SH3D19: variants seen among roughly 807,000 people sequenced by gnomAD.
SH3D19 encodes the protein SH3 domain containing 19, also known as SH3 domain-containing protein 19.
A neutral mutation model predicts 112.1 loss-of-function variants in SH3D19; 58 were observed. That is an observed-to-expected ratio of 0.52 (90% CI 0.42 to 0.64). SH3D19 has a LOEUF of 0.64. Ranked by LOEUF, SH3D19 falls within the 30% of genes least tolerant of loss-of-function variation. The probability of loss-of-function intolerance (pLI) is 0.00; values close to 1 mark genes in which losing one functional copy is unlikely to be tolerated. For missense variants in SH3D19, 1,090 were observed against 1,263.4 expected, an observed-to-expected ratio of 0.86 and a Z score of 2.08; for synonymous variants, 391 against 448.5, an observed-to-expected ratio of 0.87 and a Z score of 1.62.
intron 1 of SH3D19, among the ~76,000 whole-genome samples, chr4:151,239,001 T>C (rs1369540067): frequency 1.3e-5 from 2 of 152,214 alleles, no homozygotes; most frequent in East Asian, 3.8e-4. Context: ...CTGTGTAGAA[T>C]GCTTCTAAAG....
At position 151,200,770 on chromosome 4, in the gene SH3D19, C is replaced by T. The variant is rs143616161; in HGVS notation, c.153-13307G>A. ...AACATTCTTCCAGTTTGAAAACTAT[C>T]ATCTGAATCAGCAAAGAGGTTGCTC... On this transcript the variant is annotated intron_variant, in intron 2 of 19. Coordinates refer to ENST00000604030, the MANE Select transcript of SH3D19 (RefSeq NM_001378122.1). 3.1e-3 allele frequency among the ~76,000 whole-genome samples: 468 copies of T among 152,334 alleles called. 3 individuals carry two copies. Among genetic ancestry groups the T allele is most frequent in the Middle Eastern group, 0.017 (5 of 294 alleles).
At chr4:151,147,814 G>T in intron 11 of SH3D19, 108 bp downstream of exon 11, 1 of 1,405,352 alleles carries the variant, frequency 7.1e-7, no homozygotes, top group Non-Finnish European at 9.6e-7. Flanking sequence ...TTGGCGTCAA[G>T]GGACAATTCC....
chr4:151,181,338 G>A (rs187548642), intron 3 of SH3D19, among the ~76,000 whole-genome samples: 69 of 152,268 alleles, frequency 4.5e-4, no homozygotes, highest in Middle Eastern at 3.4e-3. Context: ...GGGTGGAAGT[G>A]GAAGGTGGGA....
intron 17 of SH3D19, 33 bp downstream of exon 17, chr4:151,132,298 C>T: frequency 6.3e-7 from 1 of 1,591,886 alleles, no homozygotes; most frequent in East Asian, 2.2e-5. Flanking sequence ...CTGAACCTGG[C>T]TGTCACTATA....
In SH3D19 at chr4:151,287,127, TG is replaced by T. The variant is rs371048452; in HGVS notation, c.112+38113del. Among the ~76,000 whole-genome samples, 12 of 151,272 alleles carry T rather than the reference TG, an allele frequency of 7.9e-5. 1 individual carries two copies. The highest frequency in any genetic ancestry group is 2.9e-4 in the African/African-American group (12 of 41,234). ...AGGCCGAGGCAGGCAGATCACCTGATGTCAGGAGTTTGGGACCAGCCTGGCC... is the reference window on the plus strand; with the variant it reads ...AGGCCGAGGCAGGCAGATCACCTGATTCAGGAGTTTGGGACCAGCCTGGCC... On this transcript the variant is annotated intron_variant, in intron 1 of 19. Coordinates refer to ENST00000604030, the MANE Select transcript of SH3D19 (RefSeq NM_001378122.1).
intron 1 of SH3D19, among the ~76,000 whole-genome samples, chr4:151,290,720 G>C (rs1266566696): frequency 2.6e-5 from 4 of 152,124 alleles, no homozygotes; most frequent in Non-Finnish European, 5.9e-5. Context: ...AACAAGACTA[G>C]AAGACTACTA....
intron 1 of SH3D19, among the ~76,000 whole-genome samples, chr4:151,236,856 A>G (rs764184080): frequency 5.9e-5 from 9 of 152,240 alleles, no homozygotes; most frequent in Admixed American, 2.0e-4. Context: ...AAAATGGACC[A>G]ATCAGCTGTC....
At chr4:151,198,447 A>T (rs981992026) in intron 2 of SH3D19, among the ~76,000 whole-genome samples, 7 of 144,656 alleles carry the variant, frequency 4.8e-5, no homozygotes, top group East Asian at 1.9e-4. Context: ...ATATATATAA[A>T]AATATATATT....
chr4:151,177,255 TC>T (rs1760093022), intron 4 of SH3D19, among the ~76,000 whole-genome samples: 1 of 152,180 alleles, frequency 6.6e-6, no homozygotes, highest in South Asian at 2.1e-4. Flanking sequence ...CTATACAATC[TC>T]TTCATTCCAG....
intron 1 of SH3D19, among the ~76,000 whole-genome samples, chr4:151,302,225 G>A (rs746738889): frequency 5.9e-5 from 9 of 152,210 alleles, no homozygotes; most frequent in African/African-American, 1.7e-4. Flanking sequence ...TTGCTCCTTC[G>A]GCCAGGATCC....
chr4:151,169,722 T>A (rs1330333347), intron 7 of SH3D19, among the ~76,000 whole-genome samples: 1 of 152,186 alleles, frequency 6.6e-6, no homozygotes, highest in Admixed American at 6.5e-5. Context: ...CTAGTTAAAA[T>A]GTTTAAAGAT....
chr4:151,250,736 T>C (rs1645723120), intron 1 of SH3D19, among the ~76,000 whole-genome samples: 1 of 152,238 alleles, frequency 6.6e-6, no homozygotes, highest in Non-Finnish European at 1.5e-5. Flanking sequence ...CTATTAATTC[T>C]CAGATTTCTT....
chr4:151,161,307 C>T (rs1757105423), intron 8 of SH3D19, among the ~76,000 whole-genome samples: 1 of 152,104 alleles, frequency 6.6e-6, no homozygotes, highest in Non-Finnish European at 1.5e-5. Context: ...ACATTTGCAC[C>T]ACGAAGCTAT....
At chr4:151,230,235 G>A (rs1230167227) in intron 1 of SH3D19, among the ~76,000 whole-genome samples, 1 of 152,110 alleles carries the variant, frequency 6.6e-6, no homozygotes, top group Non-Finnish European at 1.5e-5. Context: ...ACAGTTTTTG[G>A]GTACGGCTAC....
chr4:151,273,163 T>C (rs372169203), intron 1 of SH3D19, among the ~76,000 whole-genome samples: 1 of 152,284 alleles, frequency 6.6e-6, no homozygotes, highest in East Asian at 1.9e-4. Flanking sequence ...TATTTCCAAC[T>C]AAATTTAACA....
At chr4:151,291,567 A>G in intron 1 of SH3D19, 1 of 663,162 alleles carries the variant, frequency 1.5e-6, no homozygotes, top group East Asian at 2.7e-5. Flanking sequence ...AGAGTTAAGA[A>G]ATAAAACTGT....
chr4:151,267,263 A>G lies in SH3D19; in HGVS notation c.113-41177T>C, dbSNP rs139205063. 5.3e-5 allele frequency among the ~76,000 whole-genome samples: 8 copies of G among 151,716 alleles called. No individual in the cohort carries two copies. The East Asian group carries it at 1.4e-3, about 26-fold the overall frequency. On this transcript the variant is annotated intron_variant, in intron 1 of 19. Transcript: ENST00000604030. ...GGTGGGAGGATTGATTAAGCCTGGG[A>G]GGTCAAGGCTACAGTGAGCTGTGAT...
At chr4:151,283,387 G>A in intron 1 of SH3D19, 2 of 1,037,002 alleles carry the variant, frequency 1.9e-6, no homozygotes, top group East Asian at 2.5e-5. Context: ...GTCAGGAGAT[G>A]AGGGTTCTAA....
At chr4:151,260,210 T>C (rs1250334351) in intron 1 of SH3D19, among the ~76,000 whole-genome samples, 3 of 152,214 alleles carry the variant, frequency 2.0e-5, no homozygotes, top group Non-Finnish European at 2.9e-5. Context: ...ACCCATTAAG[T>C]AATTTCTCAT....
Sources: gnomAD v4.1 joint callset for allele counts (sites outside exome capture counted in the v4.1 genomes callset) on GRCh38, gnomAD v4.1.1 for gene constraint, MANE v1.5 for transcripts, NCBI Gene and HGNC (gene_info 2026-07-23, HGNC 2026-07-21) for gene names.